The following EYS variants were observed in gnomAD, a reference collection of about 807,000 sequenced individuals.
The protein encoded by EYS is protein eyes shut homolog.
Under a neutral mutation model 282.1 loss-of-function variants are expected in EYS, and 250 were observed. That is an observed-to-expected ratio of 0.89 (90% CI 0.80 to 0.98). The LOEUF (loss-of-function observed/expected upper bound fraction) is 0.98. Ranked by LOEUF, EYS falls within the 50% of genes least tolerant of loss-of-function variation. The pLI is 0.00. For synonymous variants in EYS, 1,355 were observed against 1,282.9 expected (o/e 1.06, Z -1.20); for missense variants, 4,016 against 3,709.0 (o/e 1.08, Z -2.15).
intron 5 of EYS, among the ~76,000 whole-genome samples, chr6:65,428,001 T>G (rs1480040345): frequency 6.6e-6 from 1 of 152,076 alleles, no homozygotes; most frequent in Non-Finnish European, 1.5e-5. Flanking sequence ...AAATGTAAAT[T>G]TAAAATATTA....
At chr6:64,303,828 G>A (rs1268675704) in intron 30 of EYS, among the ~76,000 whole-genome samples, 2 of 104,180 alleles carry the variant, frequency 1.9e-5, no homozygotes, top group Non-Finnish European at 3.7e-5. Flanking sequence ...GCGACAGAGC[G>A]AAACTCCGTC....
At chr6:64,201,814 G>T (rs1457480027) in intron 31 of EYS, among the ~76,000 whole-genome samples, 1 of 152,128 alleles carries the variant, frequency 6.6e-6, no homozygotes, top group Admixed American at 6.6e-5. Flanking sequence ...ACTTTTGCTG[G>T]TGAATATTAA....
chr6:64,127,993 A>T (rs759016141), intron 31 of EYS, among the ~76,000 whole-genome samples: 1 of 152,140 alleles, frequency 6.6e-6, no homozygotes. Context: ...TAATCATGAA[A>T]ATTGGCATCT....
At chr6:63,764,152 A>G (rs1251271974) in intron 40 of EYS, among the ~76,000 whole-genome samples, 3 of 151,926 alleles carry the variant, frequency 2.0e-5, no homozygotes, top group Admixed American at 2.0e-4. Flanking sequence ...GCATTCTAGA[A>G]TGGGTATGAG....
chr6:65,082,131 T>A (rs1394911244), intron 12 of EYS, among the ~76,000 whole-genome samples: 1 of 152,116 alleles, frequency 6.6e-6, no homozygotes, highest in East Asian at 1.9e-4. Flanking sequence ...GGTTGACAAG[T>A]AAGCCACAAA....
intron 36 of EYS, among the ~76,000 whole-genome samples, chr6:63,827,038 C>CTAACACATTAAGAACTCACA (rs1771488077): frequency 6.6e-6 from 1 of 152,086 alleles, no homozygotes; most frequent in African/African-American, 2.4e-5. Flanking sequence ...GGAGACTCAC[C>CTAACACATTAAGAACTCACA]TAACACATTA....
intron 2 of EYS, among the ~76,000 whole-genome samples, chr6:65,567,956 A>AT (rs1278474330): frequency 6.6e-6 from 1 of 151,950 alleles, no homozygotes; most frequent in Admixed American, 6.6e-5. Flanking sequence ...AGGTTCTCTG[A>AT]TTTTTCCCCA....
At chr6:64,831,722 C>A (rs552342057) in intron 19 of EYS, among the ~76,000 whole-genome samples, 1 of 151,864 alleles carries the variant, frequency 6.6e-6, no homozygotes, top group South Asian at 2.1e-4. Context: ...CACAAGAATG[C>A]GGCCAGTTGT....
intron 30 of EYS, among the ~76,000 whole-genome samples, chr6:64,294,334 TA>T (rs1258509180): frequency 6.6e-6 from 1 of 152,236 alleles, no homozygotes; most frequent in Non-Finnish European, 1.5e-5. Context: ...CATGCTATTC[TA>T]AAAATTTAAA....
chr6:65,255,226 A>C (rs916463753), intron 12 of EYS, among the ~76,000 whole-genome samples: 2 of 152,014 alleles, frequency 1.3e-5, no homozygotes, highest in Non-Finnish European at 2.9e-5. Context: ...AAATCCATAC[A>C]TCTATAATAA....
intron 22 of EYS, among the ~76,000 whole-genome samples, chr6:64,804,814 A>C (rs1764373892): frequency 6.6e-6 from 1 of 152,156 alleles, no homozygotes; most frequent in Non-Finnish European, 1.5e-5. Context: ...AAAAATTCAC[A>C]TATTTGTGAT....
At chr6:65,337,460 C>T (rs1770031274) in intron 10 of EYS, among the ~76,000 whole-genome samples, 1 of 151,158 alleles carries the variant, frequency 6.6e-6, no homozygotes, top group African/African-American at 2.4e-5. Context: ...ATTTAATAAA[C>T]ACTCGTATAA....
chr6:64,792,201 T>C (rs1774212654), intron 22 of EYS, among the ~76,000 whole-genome samples: 1 of 151,940 alleles, frequency 6.6e-6, no homozygotes, highest in Admixed American at 6.6e-5. Context: ...ATATACATAT[T>C]AACCTTGCCC....
chr6:65,329,785 A>C, intron 11 of EYS: 1 of 981,910 alleles, frequency 1.0e-6, no homozygotes, highest in Non-Finnish European at 1.2e-6. Context: ...ATCCTGGTCA[A>C]ATTATACTAT....
chr6:64,241,655 TTTTGTG>T (rs1408273384), intron 30 of EYS, among the ~76,000 whole-genome samples: 2 of 147,384 alleles, frequency 1.4e-5, no homozygotes, highest in African/African-American at 5.3e-5. Flanking sequence ...TTTTGAAGGT[TTTTGTG>T]TGTGTGTGTG....
intron 26 of EYS, among the ~76,000 whole-genome samples, chr6:64,561,971 G>A (rs542779503): frequency 6.8e-6 from 1 of 147,144 alleles, no homozygotes; most frequent in South Asian, 2.1e-4. Flanking sequence ...GAACAAAACT[G>A]GAAGCATTCT....
At chr6:65,329,900 T>C in intron 11 of EYS, 1 of 980,186 alleles carries the variant, frequency 1.0e-6, no homozygotes, top group Non-Finnish European at 1.2e-6. Context: ...TTTTAGATTC[T>C]ACACTTTGAA....
At chr6:65,386,939 A>G (rs992330890) in intron 7 of EYS, among the ~76,000 whole-genome samples, 9 of 151,838 alleles carry the variant, frequency 5.9e-5, no homozygotes, top group Admixed American at 1.3e-4. Context: ...TTAGTGGTAA[A>G]ATGGGAAATG....
intron 2 of EYS, among the ~76,000 whole-genome samples, chr6:65,602,156 G>A (rs778332466): frequency 6.6e-6 from 1 of 151,780 alleles, no homozygotes; most frequent in African/African-American, 2.4e-5. Flanking sequence ...TCTTGTCAAT[G>A]TTTTATATTT....
Sources: gnomAD v4.1 joint callset for allele counts (sites outside exome capture counted in the v4.1 genomes callset) on GRCh38, gnomAD v4.1.1 for gene constraint, MANE v1.5 for transcripts, NCBI Gene and HGNC (gene_info 2026-07-23, HGNC 2026-07-21) for gene names.